ODAD2: variants seen among roughly 807,000 people sequenced by gnomAD.
ODAD2 encodes outer dynein arm docking complex subunit 2.
In ODAD2, 89 loss-of-function variants were observed where a neutral mutation model predicts 106.8. The ratio of observed to expected loss-of-function variants is 0.83; its 90% CI spans 0.70 to 0.99. The LOEUF is 0.99. ODAD2 is among the 50% of genes least tolerant of loss of function. The pLI is 0.00. For synonymous variants in ODAD2, 404 were observed against 436.2 expected, an observed-to-expected ratio of 0.93 and a Z score of 0.92; for missense variants, 1,168 against 1,238.5, an observed-to-expected ratio of 0.94 and a Z score of 0.85.
At chr10:27,900,562 T>C (rs1187024617) in intron 17 of ODAD2, among the ~76,000 whole-genome samples, 1 of 152,046 alleles carries the variant, frequency 6.6e-6, no homozygotes, top group Non-Finnish European at 1.5e-5. Context: ...CAAAGAACCT[T>C]GAAAAACAGG....
intron 17 of ODAD2, among the ~76,000 whole-genome samples, chr10:27,891,067 A>G (rs1015863795): frequency 6.6e-6 from 1 of 152,124 alleles, no homozygotes; most frequent in African/African-American, 2.4e-5. Flanking sequence ...CCCCTCCACA[A>G]GCCTTCTTCT....
intron 17 of ODAD2, among the ~76,000 whole-genome samples, chr10:27,888,739 C>T (rs1229166072): frequency 1.3e-5 from 2 of 152,062 alleles, no homozygotes; most frequent in African/African-American, 2.4e-5. Context: ...TACAGTACCC[C>T]TTAAATTTAT....
rs1842698310 is a variant in ODAD2 at position 27,893,671 on chromosome 10, C to T, written c.2610+13992G>A. 2.0e-5 allele frequency among the ~76,000 whole-genome samples: 3 copies of T among 152,260 alleles called. No homozygotes were observed. The South Asian group carries it at 6.2e-4, about 32-fold the overall frequency. ...AAATGCTTCCGTACAAAATAAAAGG[C>T]AATTCTTTCCTAGAAAGCTGAGCCA... On this transcript the variant is annotated intron_variant, in intron 17 of 19. Transcript: ENST00000305242.
Position 27,908,691 on chromosome 10 carries a change from C to G in ODAD2, c.2496-914G>C, listed in dbSNP as rs574592259. Among the ~76,000 whole-genome samples, 7 of 152,212 alleles carry G rather than the reference C, an allele frequency of 4.6e-5. No homozygotes were observed. The South Asian group carries it at 1.5e-3, about 32-fold the overall frequency. On this transcript the variant is annotated intron_variant, in intron 16 of 19. Transcript: ENST00000305242. The stretch of plus-strand genomic sequence containing the variant: ...ATAAATACTAGCTTAAAATGCCATT[C>G]AAATTCTTCCTTGAAAATTGACGTA...
intron 16 of ODAD2, among the ~76,000 whole-genome samples, chr10:27,918,753 T>C (rs556256119): frequency 1.2e-4 from 18 of 151,956 alleles, no homozygotes; most frequent in African/African-American, 3.4e-4. Flanking sequence ...TGAACTGTCA[T>C]TATTTGCAGA....
chr10:27,823,295 T>C (rs1016010588), intron 19 of ODAD2, among the ~76,000 whole-genome samples: 1 of 152,230 alleles, frequency 6.6e-6, no homozygotes, highest in African/African-American at 2.4e-5. Flanking sequence ...TAAAAAAATC[T>C]ATGTGGATAA....
intron 9 of ODAD2, 78 bp from the exon 10 acceptor site, chr10:27,961,793 A>T: frequency 1.6e-6 from 2 of 1,265,732 alleles, no homozygotes; most frequent in Non-Finnish European, 2.2e-6. Flanking sequence ...GGCCAGGTGC[A>T]GTGGCTCATG....
At chr10:27,858,463 G>A (rs1033281452) in intron 19 of ODAD2, among the ~76,000 whole-genome samples, 1 of 152,118 alleles carries the variant, frequency 6.6e-6, no homozygotes, top group African/African-American at 2.4e-5. Context: ...TGTTGGAAAT[G>A]CAAACAGACT....
chr10:27,880,367 T>C (rs1288445267), intron 17 of ODAD2, among the ~76,000 whole-genome samples: 2 of 152,232 alleles, frequency 1.3e-5, no homozygotes, highest in South Asian at 2.1e-4. Flanking sequence ...AGCATTCTTA[T>C]GTCTAAAAAA....
intron 10 of ODAD2, among the ~76,000 whole-genome samples, chr10:27,948,554 A>T (rs1335137075): frequency 6.6e-6 from 1 of 152,176 alleles, no homozygotes; most frequent in Non-Finnish European, 1.5e-5. Context: ...CCCTAAGAAC[A>T]TAATTATTTA....
At chr10:27,900,633 C>A (rs893347119) in intron 17 of ODAD2, among the ~76,000 whole-genome samples, 1 of 152,062 alleles carries the variant, frequency 6.6e-6, no homozygotes, top group South Asian at 2.1e-4. Flanking sequence ...CCTGATGGAG[C>A]TGAAAAACAC....
chr10:27,895,807 C>T (rs922178798), intron 17 of ODAD2, among the ~76,000 whole-genome samples: 2 of 152,172 alleles, frequency 1.3e-5, no homozygotes, highest in Non-Finnish European at 2.9e-5. Context: ...TATAAATGTG[C>T]TTTCTTTCCT....
chr10:27,984,041 T>C (rs1173572189), intron 5 of ODAD2, 62 bp from the exon 6 acceptor site: 1 of 1,567,818 alleles, frequency 6.4e-7, no homozygotes. Context: ...TAAAAAGTGT[T>C]GGCTTCCACA....
At chr10:27,832,009 T>C (rs1837514520) in intron 19 of ODAD2, among the ~76,000 whole-genome samples, 1 of 152,268 alleles carries the variant, frequency 6.6e-6, no homozygotes, top group Non-Finnish European at 1.5e-5. Context: ...CAGTCAAGCA[T>C]ATTCGGGGCT....
intron 16 of ODAD2, among the ~76,000 whole-genome samples, chr10:27,917,553 C>A (rs1230426284): frequency 1.3e-5 from 2 of 151,570 alleles, no homozygotes; most frequent in Non-Finnish European, 3.0e-5. Context: ...AGGGAATAGA[C>A]AAAAATAGAG....
intron 19 of ODAD2, 40 bp downstream of exon 19, chr10:27,860,585 T>C (rs2133322460): frequency 6.3e-7 from 1 of 1,587,136 alleles, no homozygotes; most frequent in Non-Finnish European, 8.6e-7. Context: ...AGGCTACATT[T>C]ACCAAACTTG....
intron 7 of ODAD2, among the ~76,000 whole-genome samples, chr10:27,973,587 T>C (rs1164033927): frequency 7.9e-5 from 12 of 152,124 alleles, no homozygotes; most frequent in Non-Finnish European, 1.3e-4. Flanking sequence ...CAGGGGGTAA[T>C]ATGTTTTCTT....
intron 19 of ODAD2, among the ~76,000 whole-genome samples, chr10:27,822,234 T>C (rs1416728241): frequency 6.6e-6 from 1 of 152,232 alleles, no homozygotes; most frequent in African/African-American, 2.4e-5. Flanking sequence ...CATTTAACAG[T>C]TTATGATTTT....
At chr10:27,891,104 G>A (rs985571775) in intron 17 of ODAD2, among the ~76,000 whole-genome samples, 2 of 152,086 alleles carry the variant, frequency 1.3e-5, no homozygotes, top group African/African-American at 4.8e-5. Flanking sequence ...TCCCTGATTG[G>A]GCATGGACCG....
Sources: gnomAD v4.1 joint callset for allele counts (sites outside exome capture counted in the v4.1 genomes callset) on GRCh38, gnomAD v4.1.1 for gene constraint, MANE v1.5 for transcripts, NCBI Gene and HGNC (gene_info 2026-07-23, HGNC 2026-07-21) for gene names.